The following RANBP2 variants were observed in gnomAD, a reference collection of about 807,000 sequenced individuals.
RANBP2 encodes the protein E3 SUMO-protein ligase RanBP2.
Under a neutral mutation model 303.6 loss-of-function variants are expected in RANBP2, and 57 were observed. That is an observed-to-expected ratio of 0.19 (90% CI 0.15 to 0.23). The LOEUF (loss-of-function observed/expected upper bound fraction) is 0.23. RANBP2 is among the 10% of genes least tolerant of loss of function. RANBP2 has a pLI of 1.00. For synonymous variants in RANBP2, 1,167 were observed against 1,301.5 expected (o/e 0.90, Z 2.23); for missense variants, 3,138 against 3,780.8 (o/e 0.83, Z 4.46).
chr2:108,846,668 CTG>C, the RANBP2 span: 10 of 1,368,052 alleles, frequency 7.3e-6, no homozygotes, highest in African/African-American at 5.9e-5. Flanking sequence ...CAGAGCAAGA[CTG>C]TGTCTCAAAA....
chr2:109,646,194 A>G, the RANBP2 span, among the ~76,000 whole-genome samples: 110,229 of 151,970 alleles, frequency 0.73, 40,756 homozygotes, highest in East Asian at 0.95. Flanking sequence ...TCCGTAAGGC[A>G]AGACCTACTT....
At chr2:109,545,200 T>G in the RANBP2 span, 1 of 984,996 alleles carries the variant, frequency 1.0e-6, no homozygotes, top group East Asian at 1.1e-4. Flanking sequence ...TGAGGCAGAG[T>G]CCCCCAAATG....
At chr2:108,819,754 G>A in the RANBP2 span, among the ~76,000 whole-genome samples, 55 of 152,024 alleles carry the variant, frequency 3.6e-4, no homozygotes, top group South Asian at 2.1e-3. Context: ...TTTTTCAAAT[G>A]CCCAAATACC....
At chr2:109,065,794 G>A in the RANBP2 span, among the ~76,000 whole-genome samples, 71 of 152,328 alleles carry the variant, frequency 4.7e-4, no homozygotes, top group African/African-American at 1.5e-3. Flanking sequence ...CGCGTCTTAC[G>A]AGCTGCTTGA....
At chr2:108,875,413 G>T in the RANBP2 span, among the ~76,000 whole-genome samples, 1 of 151,442 alleles carries the variant, frequency 6.6e-6, no homozygotes, top group Non-Finnish European at 1.5e-5. Context: ...GTATTCTATA[G>T]CCAAGTCAAA....
At chr2:108,906,165 T>G in the RANBP2 span, 1 of 793,538 alleles carries the variant, frequency 1.3e-6, no homozygotes, top group Non-Finnish European at 2.2e-6. Flanking sequence ...TGAAATAGTT[T>G]CCAGCGGCCA....
chr2:109,703,549 CTT>C, the RANBP2 span, among the ~76,000 whole-genome samples: 1 of 152,198 alleles, frequency 6.6e-6, no homozygotes, highest in Admixed American at 6.5e-5. Context: ...CTGCCTCATC[CTT>C]CTGAGTAGCT....
At position 108,785,775 on chromosome 2, in the gene RANBP2, TC is replaced by T. The variant is rs565063029; in HGVS notation, c.*1875del. ...TGGATTTTATGTTGTCTCATTAAAA[TC>T]TGCTTAAAGATAGAATAAAATTCAT... On this transcript the variant is annotated 3_prime_UTR_variant, in exon 29 of 29. Transcript: ENST00000283195. 167 of 152,350 alleles carry T rather than the reference TC, an allele frequency of 1.1e-3. No individual in the cohort carries two copies. Among genetic ancestry groups the T allele is most frequent in the African/African-American group, 4.0e-3 (166 of 41,578 alleles). 9.4% of individuals were successfully genotyped at this position (152,350 alleles called of 1,614,324 possible).
the RANBP2 span, among the ~76,000 whole-genome samples, chr2:108,849,443 C>T: frequency 6.6e-6 from 1 of 152,266 alleles, no homozygotes; most frequent in Non-Finnish European, 1.5e-5. Context: ...CCTCCACACC[C>T]TGGCCACTGG....
At chr2:109,507,428 C>T in the RANBP2 span, among the ~76,000 whole-genome samples, 1 of 152,214 alleles carries the variant, frequency 6.6e-6, no homozygotes, top group African/African-American at 2.4e-5. Context: ...ACAAGGGAAA[C>T]ATCTGGGGCC....
At chr2:109,139,660 C>T in the RANBP2 span, among the ~76,000 whole-genome samples, 2 of 152,120 alleles carry the variant, frequency 1.3e-5, no homozygotes, top group Admixed American at 6.5e-5. Flanking sequence ...AAGAGTTTTC[C>T]TGGATTTAAA....
chr2:109,677,628 C>T, the RANBP2 span, among the ~76,000 whole-genome samples: 1 of 152,212 alleles, frequency 6.6e-6, no homozygotes, highest in African/African-American at 2.4e-5. Context: ...TTTCTCACAG[C>T]TGGGCCACCT....
the RANBP2 span, among the ~76,000 whole-genome samples, chr2:109,634,477 C>T: frequency 1.3e-5 from 2 of 152,200 alleles, no homozygotes; most frequent in Non-Finnish European, 1.5e-5. Flanking sequence ...ACAGAAGTAG[C>T]TCTCAGCTGT....
At chr2:109,777,252 A>G in the RANBP2 span, among the ~76,000 whole-genome samples, 1 of 148,222 alleles carries the variant, frequency 6.7e-6, no homozygotes, top group East Asian at 2.0e-4. Context: ...TTAAGCACAA[A>G]AGGATGTGTG....
the RANBP2 span, among the ~76,000 whole-genome samples, chr2:109,296,409 G>GT: frequency 2.6e-5 from 4 of 151,572 alleles, no homozygotes; most frequent in East Asian, 3.9e-4. Flanking sequence ...TTGTGTGTGT[G>GT]TTTTTTATTG....
chr2:109,492,083 C>T, the RANBP2 span, among the ~76,000 whole-genome samples: 4 of 152,208 alleles, frequency 2.6e-5, no homozygotes, highest in Admixed American at 2.0e-4. Flanking sequence ...GTGGTGACCA[C>T]GTCCTCTGCC....
chr2:109,165,637 C>G, the RANBP2 span, among the ~76,000 whole-genome samples: 2 of 152,190 alleles, frequency 1.3e-5, no homozygotes, highest in South Asian at 4.1e-4. Flanking sequence ...CTGTGCTGCA[C>G]TGACCACAGG....
the RANBP2 span, chr2:109,398,983 C>T: frequency 8.3e-3 from 13,063 of 1,565,264 alleles, 118 homozygotes; most frequent in East Asian, 0.037. Flanking sequence ...CCTGGGTTCT[C>T]TGGGGTTCTA....
the RANBP2 span, among the ~76,000 whole-genome samples, chr2:109,041,332 C>T: frequency 3.9e-5 from 6 of 152,092 alleles, no homozygotes; most frequent in African/African-American, 1.4e-4. Flanking sequence ...ACCTCCAGGA[C>T]AATGTTGAAT....
Sources: allele counts gnomAD v4.1 joint callset (sites outside exome capture counted in the v4.1 genomes callset), GRCh38; gene constraint gnomAD v4.1.1; transcripts MANE v1.5; gene names NCBI Gene and HGNC (gene_info 2026-07-23, HGNC 2026-07-21).